METAP1: variants seen among roughly 807,000 people sequenced by gnomAD.
METAP1 encodes methionine aminopeptidase 1.
Under a neutral mutation model 53.8 loss-of-function variants are expected in METAP1, and 28 were observed. The ratio of observed to expected loss-of-function variants is 0.52; its 90% CI spans 0.39 to 0.71. METAP1 has a LOEUF of 0.71. METAP1 is among the 30% of genes least tolerant of loss of function. The probability of loss-of-function intolerance (pLI) is 0.00; values close to 1 mark genes in which losing one functional copy is unlikely to be tolerated. For synonymous variants in METAP1, 181 were observed against 165.7 expected (o/e 1.09, Z -0.71); for missense variants, 389 against 479.8 (o/e 0.81, Z 1.77).
In METAP1 at chr4:99,034,319, A is replaced by T; in HGVS notation, c.256A>T (p.Lys86Ter). ...ATGGGCAGGTTATCGATATACTGGT[A>T]AACTCAGACCACATTATCCACTGGT... ...DPWAGYRYTG[K>*]LRPHYPLMPT... Residue 86 changes from lysine (K) to a stop codon, truncating the protein, a stop_gained, in exon 3 of 11, where the codon AAA becomes TAA. Coordinates refer to ENST00000296411, the MANE Select transcript of METAP1 (RefSeq NM_015143.3). LOFTEE classifies it high-confidence loss of function. The T allele has an allele frequency of 6.5e-7, 1 of 1,538,812 alleles. No homozygotes were observed. Among genetic ancestry groups the T allele is most frequent in the Non-Finnish European group, 8.8e-7 (1 of 1,135,454 alleles).
At chr4:99,033,216 T>C (rs901176025) in intron 2 of METAP1, among the ~76,000 whole-genome samples, 1 of 152,164 alleles carries the variant, frequency 6.6e-6, no homozygotes, top group Non-Finnish European at 1.5e-5. Context: ...TTCCTTCATT[T>C]TGTATTTTAA....
At position 99,061,156 on chromosome 4, in the gene METAP1, G is replaced by A. The variant is rs371960839; in HGVS notation, c.1000G>A (p.Gly334Arg). The A allele has an allele frequency of 5.0e-6, 8 of 1,611,112 alleles. No homozygotes were observed. The highest frequency in any genetic ancestry group is 2.2e-5 in the East Asian group (1 of 44,706). The part of the protein sequence containing the change: ...FTIEPMICEG[G>R]WQDETWPDGW... ...GAAATTGTTTTTGTTTGTTGAAGGCGGATGGCAGGATGAAACCTGGCCAGA... is the reference window on the plus strand; with the variant it reads ...GAAATTGTTTTTGTTTGTTGAAGGCAGATGGCAGGATGAAACCTGGCCAGA... The change falls in exon 11 of 11, where the codon GGA (glycine) becomes AGA (arginine). Residue 334 changes from glycine to arginine, a missense_variant and splice_region_variant. Physicochemically the swap from Gly to Arg is moderately radical, Grantham distance 125 (BLOSUM62 -2). Transcript: ENST00000296411.
chr4:99,057,348 G>A (rs1334674918), intron 9 of METAP1, among the ~76,000 whole-genome samples: 1 of 152,190 alleles, frequency 6.6e-6, no homozygotes, highest in Admixed American at 6.5e-5. Context: ...TGAAACATCT[G>A]TCATTCTCCT....
intron 1 of METAP1, among the ~76,000 whole-genome samples, chr4:99,008,718 T>C (rs951575168): frequency 5.3e-5 from 8 of 152,176 alleles, no homozygotes; most frequent in African/African-American, 1.9e-4. Context: ...TATGTCTTGG[T>C]AGTGGTGTGA....
At chr4:99,046,307 G>T (rs1035201043) in intron 8 of METAP1, among the ~76,000 whole-genome samples, 1 of 152,026 alleles carries the variant, frequency 6.6e-6, no homozygotes, top group Non-Finnish European at 1.5e-5. Context: ...CCAGCTACTC[G>T]GGAGGCTGAG....
At chr4:99,028,012 C>T (rs1323912281) in intron 1 of METAP1, among the ~76,000 whole-genome samples, 1 of 151,626 alleles carries the variant, frequency 6.6e-6, no homozygotes, top group Non-Finnish European at 1.5e-5. Context: ...CCGTGTCTTA[C>T]TAGTTTTATG....
intron 1 of METAP1, among the ~76,000 whole-genome samples, chr4:99,019,815 T>A (rs145239792): frequency 6.6e-6 from 1 of 152,334 alleles, no homozygotes; most frequent in East Asian, 1.9e-4. Context: ...CAAAATGTAA[T>A]TTTAACATAC....
intron 1 of METAP1, among the ~76,000 whole-genome samples, chr4:99,019,575 G>A (rs751670565): frequency 1.3e-5 from 2 of 151,634 alleles, no homozygotes; most frequent in Non-Finnish European, 2.9e-5. Flanking sequence ...TTTCAACCTC[G>A]ACCCCTGCCT....
chr4:99,011,604 T>C (rs1439959962), intron 1 of METAP1, among the ~76,000 whole-genome samples: 1 of 152,198 alleles, frequency 6.6e-6, no homozygotes, highest in Non-Finnish European at 1.5e-5. Flanking sequence ...TACTGGTCTT[T>C]AGTCTTTATC....
intron 1 of METAP1, among the ~76,000 whole-genome samples, chr4:99,013,022 G>T (rs1723563618): frequency 1.3e-5 from 2 of 152,082 alleles, no homozygotes; most frequent in South Asian, 4.1e-4. Context: ...GAAGACCAAG[G>T]TTCTTACTAT....
chr4:99,004,279 A>C (rs1382050821), intron 1 of METAP1, among the ~76,000 whole-genome samples: 2 of 152,048 alleles, frequency 1.3e-5, no homozygotes, highest in African/African-American at 4.8e-5. Context: ...GAGTCTTATG[A>C]CCCACATCAC....
chr4:99,006,196 T>C, intron 1 of METAP1, among the ~76,000 whole-genome samples: 1 of 152,202 alleles, frequency 6.6e-6, no homozygotes, highest in Non-Finnish European at 1.5e-5. Context: ...AGGGTTTAAC[T>C]GTCTTCAAGG....
chr4:99,038,404 A>G (rs1022963417), intron 4 of METAP1, among the ~76,000 whole-genome samples: 5 of 151,996 alleles, frequency 3.3e-5, no homozygotes, highest in African/African-American at 1.2e-4. Flanking sequence ...GTAGCTGGCC[A>G]TGTTATCAGA....
intron 8 of METAP1, 23 bp downstream of exon 8, chr4:99,045,333 T>A (rs751432141): frequency 8.7e-6 from 14 of 1,612,018 alleles, no homozygotes; most frequent in Non-Finnish European, 1.0e-5. Context: ...GTTGAGCACC[T>A]ATTGGCAGTC....
chr4:99,023,063 C>A lies in METAP1; in HGVS notation c.115-5804C>A, dbSNP rs1001625071. 24 of 1,354,806 alleles carry A rather than the reference C, an allele frequency of 1.8e-5. No homozygotes were observed. In the African/African-American group the frequency reaches 3.2e-4, roughly 18 times the overall value. The allele number at this position is 1,354,806 out of a possible 1,614,324, so 83.9% of individuals were successfully genotyped here. On this transcript the variant is annotated intron_variant, in intron 1 of 10. Coordinates refer to ENST00000296411, the MANE Select transcript of METAP1 (RefSeq NM_015143.3). ...GATTCCTCCTGCTCCTCCTCCACAT[C>A]TAGTGTCTGGTCTGTCCCTTCCAGC...
rs1724438821 is a variant in METAP1 at position 99,024,847 on chromosome 4, C to T, written c.115-4020C>T. 3.9e-5 allele frequency among the ~76,000 whole-genome samples: 6 copies of T among 152,318 alleles called. No homozygotes were observed. In the South Asian group the frequency reaches 1.2e-3, roughly 32 times the overall value. On this transcript the variant is annotated intron_variant, in intron 1 of 10. Coordinates refer to ENST00000296411, the MANE Select transcript of METAP1 (RefSeq NM_015143.3). ...TTTAAGTGGTTCCTAACCTGTTTGG[C>T]ACCAGGGAAAAGTTTTGTGAAAGAC...
At chr4:99,008,019 C>T (rs775770537) in intron 1 of METAP1, among the ~76,000 whole-genome samples, 13 of 152,160 alleles carry the variant, frequency 8.5e-5, no homozygotes, top group Non-Finnish European at 1.3e-4. Flanking sequence ...GAATATTGCT[C>T]ATGTGGAGGA....
chr4:99,015,402 A>G (rs1381547277), intron 1 of METAP1, among the ~76,000 whole-genome samples: 1 of 152,192 alleles, frequency 6.6e-6, no homozygotes, highest in Non-Finnish European at 1.5e-5. Flanking sequence ...CCCCTTTGAC[A>G]TTTGCCCAAT....
chr4:99,013,368 C>CTGCTAAA (rs1188869353), intron 1 of METAP1, among the ~76,000 whole-genome samples: 2 of 152,184 alleles, frequency 1.3e-5, no homozygotes, highest in African/African-American at 4.8e-5. Context: ...TCACCTGTGA[C>CTGCTAAA]TGCTAAACAG....
Sources: allele counts gnomAD v4.1 joint callset (sites outside exome capture counted in the v4.1 genomes callset), GRCh38; gene constraint gnomAD v4.1.1; transcripts MANE v1.5; gene names NCBI Gene and HGNC (gene_info 2026-07-23, HGNC 2026-07-21).